SOS1: variants seen among roughly 807,000 people sequenced by gnomAD.
SOS1 encodes the protein son of sevenless homolog 1.
SOS1 carries 25 observed loss-of-function variants against 157.6 expected under a neutral mutation model. That is an observed-to-expected ratio of 0.16 (90% CI 0.12 to 0.22). The LOEUF is 0.22. SOS1 is among the 10% of genes least tolerant of loss of function. The probability of loss-of-function intolerance (pLI) is 1.00; values close to 1 mark genes in which losing one functional copy is unlikely to be tolerated. For missense variants in SOS1, 1,237 were observed against 1,599.1 expected, an observed-to-expected ratio of 0.77 and a Z score of 3.86; for synonymous variants, 528 against 534.0, an observed-to-expected ratio of 0.99 and a Z score of 0.16.
intron 1 of SOS1, among the ~76,000 whole-genome samples, chr2:39,112,819 G>A (rs955736739): frequency 1.3e-5 from 2 of 152,126 alleles, no homozygotes; most frequent in Non-Finnish European, 2.9e-5. Flanking sequence ...CGGGCAGACT[G>A]CCTGAGCTCA....
intron 1 of SOS1, among the ~76,000 whole-genome samples, chr2:39,072,493 T>G (rs1671825074): frequency 1.3e-5 from 2 of 152,166 alleles, no homozygotes; most frequent in African/African-American, 2.4e-5. Flanking sequence ...CAAAAGCAGT[T>G]AGAACTAAAA....
At chr2:38,998,657 A>C (rs1668981800) in intron 17 of SOS1, among the ~76,000 whole-genome samples, 1 of 152,210 alleles carries the variant, frequency 6.6e-6, no homozygotes, top group South Asian at 2.1e-4. Flanking sequence ...AAATGAGTGA[A>C]TATATGTATG....
upstream of SOS1, among the ~76,000 whole-genome samples, chr2:39,123,878 T>C (rs1673982566): frequency 1.3e-5 from 2 of 152,126 alleles, no homozygotes; most frequent in Admixed American, 6.5e-5. Context: ...GGCTAAGAGG[T>C]TGGGCATGTT....
At chr2:39,053,278 T>C (rs1369039132) in intron 5 of SOS1, among the ~76,000 whole-genome samples, 1 of 152,184 alleles carries the variant, frequency 6.6e-6, no homozygotes, top group Non-Finnish European at 1.5e-5. Context: ...ACTTTTGGTA[T>C]TATAAGTCAT....
intron 17 of SOS1, among the ~76,000 whole-genome samples, chr2:39,004,758 C>T (rs1340271188): frequency 6.7e-6 from 1 of 149,054 alleles, no homozygotes; most frequent in Non-Finnish European, 1.5e-5. Context: ...ATGACATGGA[C>T]AAGAGGAAAT....
chr2:39,074,665 C>G (rs1015938509), intron 1 of SOS1, among the ~76,000 whole-genome samples: 1 of 151,904 alleles, frequency 6.6e-6, no homozygotes, highest in Middle Eastern at 3.2e-3. Context: ...GTCAGGAGTT[C>G]AAGACCAGCC....
intron 1 of SOS1, among the ~76,000 whole-genome samples, chr2:39,095,306 G>C (rs1672732557): frequency 6.6e-6 from 1 of 152,168 alleles, no homozygotes; most frequent in African/African-American, 2.4e-5. Context: ...AGAATATCTA[G>C]AGACTCCAGT....
At chr2:39,030,585 G>A (rs968907473) in intron 8 of SOS1, among the ~76,000 whole-genome samples, 7 of 152,036 alleles carry the variant, frequency 4.6e-5, no homozygotes, top group Non-Finnish European at 2.9e-5. Context: ...AGAGGGATGG[G>A]GGTGTTAGGG....
intron 8 of SOS1, among the ~76,000 whole-genome samples, chr2:39,033,221 G>A (rs865940906): frequency 3.7e-3 from 464 of 124,250 alleles, no homozygotes; most frequent in African/African-American, 4.1e-3. Context: ...TAGGTGTGCA[G>A]AAAAAAAAAA....
intron 17 of SOS1, among the ~76,000 whole-genome samples, chr2:39,002,598 T>C (rs572715996): frequency 6.6e-6 from 1 of 152,304 alleles, no homozygotes; most frequent in African/African-American, 2.4e-5. Context: ...TCCTGGTACT[T>C]AGTAGGTATT....
rs5830552 is a variant in SOS1 at position 39,007,490 on chromosome 2, G to GGA, written c.2511-299_2511-298dup. 14,545 of 323,714 alleles carry GGA rather than the reference G, an allele frequency of 0.045. 1,897 individuals are homozygous for GGA. The highest frequency in any genetic ancestry group is 0.27 in the African/African-American group (12,756 of 47,240). 20.1% of individuals were successfully genotyped at this position (323,714 alleles called of 1,614,324 possible). On this transcript the variant is annotated intron_variant, in intron 15 of 22. Transcript: ENST00000402219. ...GAGGCCACTATCTTGTGGAATGTAT[G>GGA]GAGGTCTTTGTGAGGTCTTTGTGAT...
chr2:38,985,916 T>G lies in SOS1; in HGVS notation c.3910A>C (p.Lys1304Gln), dbSNP rs776281207. ...PRQSTSQHIP[K>Q]LPPKTYKREH... is the part of the protein sequence containing the mutation. ...CTTTTGTAAGTTTTTGGAGGGAGTT[T>G]AGGGATATGTTGAGAAGTGCTTTGT... Residue 1304 changes from lysine (K) to glutamine (Q), a missense_variant, in exon 23 of 23, where the codon AAA becomes CAA. This residue lies in a region of SOS1 where 306 missense variants were observed against 322.6 expected (regional missense o/e 0.95). Transcript: ENST00000402219. The G allele has an allele frequency of 1.2e-6, 2 of 1,613,902 alleles. No homozygotes were observed. Among genetic ancestry groups the G allele is most frequent in the South Asian group, 1.1e-5 (1 of 91,084 alleles).
At chr2:39,064,463 A>C (rs1435663600) in intron 2 of SOS1, among the ~76,000 whole-genome samples, 2 of 152,052 alleles carry the variant, frequency 1.3e-5, no homozygotes, top group African/African-American at 4.8e-5. Flanking sequence ...ATTGACTAGG[A>C]TTCAGTATTT....
Position 39,097,889 on chromosome 2 carries a change from A to G in SOS1, c.87+22447T>C, listed in dbSNP as rs372161738. On this transcript the variant is annotated intron_variant, in intron 1 of 22. Coordinates refer to ENST00000402219, the MANE Select transcript of SOS1 (RefSeq NM_005633.4). ...GAAGTTAATTCTTAACCCTTGATTA[A>G]AACAGTTTAAGTGCTGAACATTATT... is the stretch of plus-strand genomic sequence containing the variant. Among the ~76,000 whole-genome samples the G allele has an allele frequency of 4.6e-5, 7 of 152,334 alleles. No homozygotes were observed. The East Asian group carries it at 1.2e-3, about 25-fold the overall frequency.
chr2:39,034,025 G>A (rs1369472381), intron 8 of SOS1, among the ~76,000 whole-genome samples: 1 of 151,898 alleles, frequency 6.6e-6, no homozygotes, highest in Admixed American at 6.6e-5. Context: ...TAGTAATAAT[G>A]AATTCTTTCT....
At chr2:39,090,102 T>C (rs1430831641) in intron 1 of SOS1, among the ~76,000 whole-genome samples, 2 of 146,072 alleles carry the variant, frequency 1.4e-5, no homozygotes, top group Admixed American at 7.0e-5. Flanking sequence ...ATAACACCAC[T>C]GCGCTCCAGT....
At chr2:39,088,528 G>A (rs991673323) in intron 1 of SOS1, among the ~76,000 whole-genome samples, 1 of 151,948 alleles carries the variant, frequency 6.6e-6, no homozygotes, top group African/African-American at 2.4e-5. Flanking sequence ...TCTACTTTCT[G>A]TCTCTATGAA....
At position 39,067,508 on chromosome 2, in the gene SOS1, C is replaced by G. The variant is rs887503051; in HGVS notation, c.213+120G>C. 8.9e-6 allele frequency: 8 copies of G among 900,564 alleles called. No homozygotes were observed. The African/African-American group carries it at 1.2e-4, about 13-fold the overall frequency. The allele number at this position is 900,564 out of a possible 1,614,324, so 55.8% of individuals were successfully genotyped here. On this transcript the variant is annotated intron_variant, in intron 2 of 22. Transcript: ENST00000402219. Reference sequence around the variant, plus strand: ...TACTCAACCTGTAAAGAGTTAAATCCAGGCTTCATTTTCTTATATACCATA... The same window carrying G: ...TACTCAACCTGTAAAGAGTTAAATCGAGGCTTCATTTTCTTATATACCATA...
rs1553371467 is a variant in SOS1 at position 39,110,037 on chromosome 2, T to TGTGC, written c.87+10298_87+10299insGCAC. ...AGATACAGATACAGTTGTGTGTGTG[T>TGTGC]GCGTGTGTGTGTGTGTGTGTGTGTG... On this transcript the variant is annotated intron_variant, in intron 1 of 22. Transcript: ENST00000402219. Among the ~76,000 whole-genome samples, 30 of 101,714 alleles carry TGTGC rather than the reference T, an allele frequency of 2.9e-4. 1 individual carries two copies. The highest frequency in any genetic ancestry group is 2.5e-3 in the East Asian group (7 of 2,856). The allele number at this position is 101,714 out of a possible 152,430, so 66.7% of individuals were successfully genotyped here. A position where few individuals can be genotyped will look rare whatever the true frequency, so the allele number is the denominator to read the frequency against.
Sources: gnomAD v4.1 joint callset for allele counts (sites outside exome capture counted in the v4.1 genomes callset) on GRCh38, gnomAD v4.1.1 for gene constraint, gnomAD v4.1.1 regional missense constraint, MANE v1.5 for transcripts, NCBI Gene and HGNC (gene_info 2026-07-23, HGNC 2026-07-21) for gene names.